Variants in GPC5 observed in about 807,000 individuals in gnomAD.
GPC5 encodes glypican 5.
Under a neutral mutation model 53.9 loss-of-function variants are expected in GPC5, and 47 were observed. The ratio of observed to expected loss-of-function variants is 0.87; its 90% CI spans 0.69 to 1.11. The LOEUF (loss-of-function observed/expected upper bound fraction) is 1.11, where lower values mean the gene tolerates loss of function less well. GPC5 is among the 50% of genes most tolerant of loss of function. The pLI, the probability that GPC5 is intolerant of heterozygous loss-of-function variation, is 0.00. For synonymous variants in GPC5, 286 were observed against 263.3 expected, an observed-to-expected ratio of 1.09 and a Z score of -0.84; for missense variants, 748 against 713.1, an observed-to-expected ratio of 1.05 and a Z score of -0.56.
chr13:92,414,920 G>A (rs1488642701), intron 7 of GPC5, among the ~76,000 whole-genome samples: 1 of 152,124 alleles, frequency 6.6e-6, no homozygotes, highest in African/African-American at 2.4e-5. Context: ...TTATCACATT[G>A]GGGATTAAGT....
intron 7 of GPC5, among the ~76,000 whole-genome samples, chr13:92,375,922 A>G (rs148783289): frequency 6.6e-6 from 1 of 152,312 alleles, no homozygotes; most frequent in East Asian, 1.9e-4. Flanking sequence ...AGTGTTACAT[A>G]AAAAATACCA....
intron 6 of GPC5, among the ~76,000 whole-genome samples, chr13:92,037,820 G>A (rs1268240061): frequency 6.6e-6 from 1 of 152,084 alleles, no homozygotes; most frequent in Non-Finnish European, 1.5e-5. Flanking sequence ...CTTATACACA[G>A]GTGTTTATAT....
chr13:92,207,935 G>T (rs1434619069), intron 7 of GPC5, among the ~76,000 whole-genome samples: 1 of 152,176 alleles, frequency 6.6e-6, no homozygotes, highest in Non-Finnish European at 1.5e-5. Flanking sequence ...GCTCCCAAGG[G>T]CTATTTGTAA....
At chr13:91,479,749 A>G (rs1401952818) in intron 2 of GPC5, among the ~76,000 whole-genome samples, 1 of 152,170 alleles carries the variant, frequency 6.6e-6, no homozygotes, top group Non-Finnish European at 1.5e-5. Flanking sequence ...TTCATTTTCT[A>G]TATTCAGCAT....
chr13:91,608,717 A>G (rs2033451974), intron 2 of GPC5, among the ~76,000 whole-genome samples: 1 of 152,120 alleles, frequency 6.6e-6, no homozygotes, highest in Non-Finnish European at 1.5e-5. Flanking sequence ...AGAAAATGTT[A>G]TAATTAAATA....
rs80228409 is a variant in GPC5 at position 92,375,658 on chromosome 13, C to A, written c.1561+230669C>A. ...TACTCAATTGTGGATTCTGGTGAGG[C>A]AATCTGAAATCTACAGGGCAGGCTG... On this transcript the variant is annotated intron_variant, in intron 7 of 7. Transcript: ENST00000377067. Among the ~76,000 whole-genome samples, 891 of 152,204 alleles carry A rather than the reference C, an allele frequency of 5.9e-3. 8 individuals are homozygous for A. Among genetic ancestry groups the A allele is most frequent in the African/African-American group, 0.02 (819 of 41,530 alleles).
intron 2 of GPC5, among the ~76,000 whole-genome samples, chr13:91,684,780 A>T (rs2035585028): frequency 1.3e-5 from 2 of 152,202 alleles, no homozygotes; most frequent in Admixed American, 1.3e-4. Flanking sequence ...AAAATTCCCC[A>T]GTGCTTCGCA....
rs1375617763 is a variant in GPC5 at position 92,610,967 on chromosome 13, TA to T, written c.1562-255314del. 7.2e-3 allele frequency among the ~76,000 whole-genome samples: 353 copies of T among 48,908 alleles called. 1 individual carries two copies. The highest frequency in any genetic ancestry group is 0.02 in the Middle Eastern group (2 of 98). The allele number at this position is 48,908 out of a possible 152,430, so 32.1% of individuals were successfully genotyped here. A position where few individuals can be genotyped will look rare whatever the true frequency, so the allele number is the denominator to read the frequency against. On this transcript the variant is annotated intron_variant, in intron 7 of 7. Transcript: ENST00000377067. ...GGCTAACCATATCAATCTCAATACA[TA>T]TTTTTTTTTTTTTTTTGCTTAATCT...
chr13:91,614,418 G>A (rs558712676), intron 2 of GPC5, among the ~76,000 whole-genome samples: 5 of 152,070 alleles, frequency 3.3e-5, no homozygotes, highest in Admixed American at 6.5e-5. Flanking sequence ...ACCTCCCTCC[G>A]CCTCCTTAGC....
chr13:92,445,601 T>C (rs1877781096), intron 7 of GPC5, among the ~76,000 whole-genome samples: 1 of 151,274 alleles, frequency 6.6e-6, no homozygotes, highest in Non-Finnish European at 1.5e-5. Flanking sequence ...TTACTGAGAA[T>C]GATGATTTCC....
chr13:92,736,807 A>AT (rs11425108), intron 7 of GPC5, among the ~76,000 whole-genome samples: 26,586 of 148,828 alleles, frequency 0.18, 2,728 homozygotes, highest in East Asian at 0.37. Flanking sequence ...GCTGTAGCCT[A>AT]TTTTTTTTTT....
At chr13:92,331,886 G>A (rs905533408) in intron 7 of GPC5, among the ~76,000 whole-genome samples, 1 of 151,718 alleles carries the variant, frequency 6.6e-6, no homozygotes, top group Non-Finnish European at 1.5e-5. Context: ...GCTCTTTATT[G>A]TTATCATTTC....
chr13:91,675,386 G>T (rs2035358661), intron 2 of GPC5, among the ~76,000 whole-genome samples: 1 of 152,092 alleles, frequency 6.6e-6, no homozygotes, highest in South Asian at 2.1e-4. Flanking sequence ...AGAGTAGTTG[G>T]ATTTGCTTGA....
chr13:92,744,381 G>A (rs988407781), intron 7 of GPC5, among the ~76,000 whole-genome samples: 3 of 151,928 alleles, frequency 2.0e-5, no homozygotes, highest in African/African-American at 7.3e-5. Flanking sequence ...TCACTGGACT[G>A]GTATAAGAGC....
chr13:92,703,582 A>G (rs1311961730), intron 7 of GPC5, among the ~76,000 whole-genome samples: 1 of 150,124 alleles, frequency 6.7e-6, no homozygotes, highest in East Asian at 1.9e-4. Flanking sequence ...ATATAAATTC[A>G]TTATAAATAA....
At chr13:92,478,627 A>G (rs1566608234) in intron 7 of GPC5, among the ~76,000 whole-genome samples, 1 of 152,192 alleles carries the variant, frequency 6.6e-6, no homozygotes, top group Non-Finnish European at 1.5e-5. Context: ...CAGTTCAGTG[A>G]AACCTGTCAA....
At chr13:91,782,460 G>C (rs2037813023) in intron 5 of GPC5, among the ~76,000 whole-genome samples, 1 of 152,164 alleles carries the variant, frequency 6.6e-6, no homozygotes, top group South Asian at 2.1e-4. Flanking sequence ...CGCCAGGAAA[G>C]AGAGAGAAGA....
At chr13:92,707,814 A>G (rs1271540062) in intron 7 of GPC5, among the ~76,000 whole-genome samples, 2 of 152,252 alleles carry the variant, frequency 1.3e-5, no homozygotes, top group East Asian at 3.9e-4. Context: ...TATAAGTTGC[A>G]AAGTGATTGG....
chr13:91,432,141 A>C lies in GPC5; in HGVS notation c.164-16620A>C, dbSNP rs138512573. 2.9e-3 allele frequency among the ~76,000 whole-genome samples: 442 copies of C among 151,190 alleles called. 2 individuals carry two copies. The highest frequency in any genetic ancestry group is 0.01 in the African/African-American group (415 of 41,106). On this transcript the variant is annotated intron_variant, in intron 1 of 7. Coordinates refer to ENST00000377067, the MANE Select transcript of GPC5 (RefSeq NM_004466.6). ...TTTAAAACTTAGGGGATGAGACTGC[A>C]GTTAATTTTCTCATCCCTCATGTAG...
Sources: gnomAD v4.1 joint callset for allele counts (sites outside exome capture counted in the v4.1 genomes callset) on GRCh38, gnomAD v4.1.1 for gene constraint, MANE v1.5 for transcripts, NCBI Gene and HGNC (gene_info 2026-07-23, HGNC 2026-07-21) for gene names.